Variants in TAF3 observed in about 807,000 individuals in gnomAD.
TAF3 encodes TATA-box binding protein associated factor 3.
In TAF3, 7 loss-of-function variants were observed where a neutral mutation model predicts 80.6. That is an observed-to-expected ratio of 0.09 (90% CI 0.05 to 0.16). TAF3 has a LOEUF of 0.16. TAF3 is among the 10% of genes least tolerant of loss of function. The probability of loss-of-function intolerance (pLI) is 1.00; values close to 1 mark genes in which losing one functional copy is unlikely to be tolerated. For missense variants in TAF3, 921 were observed against 1,140.2 expected (o/e 0.81, Z 2.77); for synonymous variants, 444 against 446.1 (o/e 1.00, Z 0.06).
intron 2 of TAF3, among the ~76,000 whole-genome samples, chr10:7,842,151 G>GTTTTTTTTTTTTTTTTTTTTTTTTTTTT (rs71505465): frequency 1.0e-5 from 1 of 98,748 alleles, no homozygotes; most frequent in Admixed American, 1.1e-4. Flanking sequence ...AATTAATATT[G>GTTTTTTTTTTTTTTTTTTTTTTTTTTTT]TTTTTTTTTT....
At chr10:7,997,832 G>A (rs1048441098) in intron 4 of TAF3, among the ~76,000 whole-genome samples, 3 of 152,130 alleles carry the variant, frequency 2.0e-5, no homozygotes, top group African/African-American at 4.8e-5. Context: ...GCAAAGCACC[G>A]TCTAGAAGTA....
At chr10:7,994,936 C>T (rs1831872486) in intron 4 of TAF3, among the ~76,000 whole-genome samples, 1 of 144,288 alleles carries the variant, frequency 6.9e-6, no homozygotes, top group Non-Finnish European at 1.5e-5. Context: ...GATCACACCA[C>T]TGCACTCCAG....
intron 2 of TAF3, among the ~76,000 whole-genome samples, chr10:7,861,207 G>A (rs560029558): frequency 1.7e-3 from 261 of 152,042 alleles, no homozygotes; most frequent in African/African-American, 5.7e-3. Context: ...CTCGTGATCC[G>A]CCCGTCTTGG....
chr10:7,909,678 T>G (rs1024995925), intron 2 of TAF3, among the ~76,000 whole-genome samples: 2 of 152,242 alleles, frequency 1.3e-5, no homozygotes, highest in Non-Finnish European at 2.9e-5. Flanking sequence ...CTTAACAGTC[T>G]AATGTATGGC....
At chr10:7,913,966 G>T (rs571791218) in intron 2 of TAF3, among the ~76,000 whole-genome samples, 1 of 152,200 alleles carries the variant, frequency 6.6e-6, no homozygotes, top group Non-Finnish European at 1.5e-5. Flanking sequence ...CAAATCAGTG[G>T]CATGAAAAAA....
Position 7,979,980 on chromosome 10 carries a change from A to T in TAF3, c.2315+2657A>T, listed in dbSNP as rs389606. Among the ~76,000 whole-genome samples, 683 of 152,290 alleles carry T rather than the reference A, an allele frequency of 4.5e-3. 4 individuals carry two copies. Among genetic ancestry groups the T allele is most frequent in the African/African-American group, 0.016 (659 of 41,556 alleles). On this transcript the variant is annotated intron_variant, in intron 4 of 6. Transcript: ENST00000344293. Reference sequence around the variant, plus strand: ...AGAATGTATTATGACACATGAAAATATGTAACATTCAAATTTCAGTGATCC... The same window carrying T: ...AGAATGTATTATGACACATGAAAATTTGTAACATTCAAATTTCAGTGATCC...
At chr10:7,994,809 C>CCAAAAAAAAA (rs1831870785) in intron 4 of TAF3, among the ~76,000 whole-genome samples, 5 of 124,356 alleles carry the variant, frequency 4.0e-5, no homozygotes, top group African/African-American at 1.6e-4. Context: ...CTAAAAATAC[C>CCAAAAAAAAA]AAAAAAAAAA....
chr10:7,951,974 G>C (rs1588563592), intron 2 of TAF3, among the ~76,000 whole-genome samples: 1 of 152,102 alleles, frequency 6.6e-6, no homozygotes. Context: ...CCTGGGGTGG[G>C]GAAAGGAATT....
At chr10:7,957,688 C>T (rs1390913406) in intron 2 of TAF3, among the ~76,000 whole-genome samples, 1 of 151,690 alleles carries the variant, frequency 6.6e-6, no homozygotes, top group Non-Finnish European at 1.5e-5. Flanking sequence ...TCTCCCGTTT[C>T]AGAACACTAA....
At chr10:7,881,160 C>T (rs1353245487) in intron 2 of TAF3, among the ~76,000 whole-genome samples, 1 of 150,168 alleles carries the variant, frequency 6.7e-6, no homozygotes, top group African/African-American at 2.4e-5. Flanking sequence ...CACTTGAGTC[C>T]AGCAGGTCAA....
intron 4 of TAF3, among the ~76,000 whole-genome samples, chr10:7,986,283 T>A (rs2131425215): frequency 6.6e-6 from 1 of 152,338 alleles, no homozygotes; most frequent in Middle Eastern, 3.4e-3. Context: ...AGAGTCAGAC[T>A]AATCTGCCAA....
intron 2 of TAF3, among the ~76,000 whole-genome samples, chr10:7,942,872 C>T (rs1588560450): frequency 6.6e-6 from 1 of 152,308 alleles, no homozygotes; most frequent in East Asian, 1.9e-4. Flanking sequence ...ATTGTGCAGC[C>T]CACATACACA....
intron 2 of TAF3, among the ~76,000 whole-genome samples, chr10:7,953,165 G>A (rs148329654): frequency 2.6e-5 from 4 of 152,222 alleles, no homozygotes; most frequent in African/African-American, 4.8e-5. Context: ...ATTCCATCAC[G>A]TTGTTTCACT....
chr10:7,992,072 C>T (rs935899883), intron 4 of TAF3, among the ~76,000 whole-genome samples: 11 of 152,290 alleles, frequency 7.2e-5, no homozygotes, highest in African/African-American at 2.4e-4. Flanking sequence ...ACCCATCCTC[C>T]TCTATAGACT....
chr10:7,967,493 C>T (rs1418594298), intron 3 of TAF3, among the ~76,000 whole-genome samples: 1 of 152,186 alleles, frequency 6.6e-6, no homozygotes, highest in Non-Finnish European at 1.5e-5. Context: ...CAGAGTCCAC[C>T]TGAGAGAAAG....
Position 8,009,688 on chromosome 10 carries a change from C to A in TAF3, c.2568+358C>A, listed in dbSNP as rs578204503. ...CCAACCTGGAATGCGGTGGTGAGAT[C>A]TCAGCTCACTGCAACCTCCACCTCC... On this transcript the variant is annotated intron_variant, in intron 5 of 6. Coordinates refer to ENST00000344293, the MANE Select transcript of TAF3 (RefSeq NM_031923.4). The surrounding 1 kb of genome is among the most constrained non-coding windows in gnomAD (Gnocchi z 4.1). Among the ~76,000 whole-genome samples, 20 of 151,350 alleles carry A rather than the reference C, an allele frequency of 1.3e-4. No homozygotes were observed. The highest frequency in any genetic ancestry group is 4.2e-4 in the South Asian group (2 of 4,800).
At chr10:7,879,962 A>C (rs1255077676) in intron 2 of TAF3, among the ~76,000 whole-genome samples, 1 of 152,196 alleles carries the variant, frequency 6.6e-6, no homozygotes, top group Non-Finnish European at 1.5e-5. Flanking sequence ...TAATCCTGGC[A>C]ACTCTGGGAG....
intron 3 of TAF3, among the ~76,000 whole-genome samples, chr10:7,971,182 A>G (rs1831617814): frequency 6.6e-6 from 1 of 152,196 alleles, no homozygotes; most frequent in Non-Finnish European, 1.5e-5. Context: ...CTTAACCACA[A>G]CTGCACATCT....
chr10:7,854,342 T>C (rs1837057637), intron 2 of TAF3, among the ~76,000 whole-genome samples: 1 of 152,202 alleles, frequency 6.6e-6, no homozygotes, highest in Non-Finnish European at 1.5e-5. Context: ...CTACGTAAGA[T>C]AACTGGAAGG....
Sources: allele counts gnomAD v4.1 joint callset (sites outside exome capture counted in the v4.1 genomes callset), GRCh38; gene constraint gnomAD v4.1.1; non-coding constraint Gnocchi (gnomAD v3.1); transcripts MANE v1.5; gene names NCBI Gene and HGNC (gene_info 2026-07-23, HGNC 2026-07-21).